The following GPHN variants were observed in gnomAD, a reference collection of about 807,000 sequenced individuals.
The protein encoded by GPHN is gephyrin.
In GPHN, 17 loss-of-function variants were observed where a neutral mutation model predicts 95.5. The ratio of observed to expected loss-of-function variants is 0.18; its 90% confidence interval spans 0.12 to 0.27. The LOEUF (loss-of-function observed/expected upper bound fraction) is 0.27, where lower values mean the gene tolerates loss of function less well. Ranked by LOEUF, GPHN falls within the 10% of genes least tolerant of loss-of-function variation. The pLI, the probability that GPHN is intolerant of heterozygous loss-of-function variation, is 1.00. For missense variants in GPHN, 660 were observed against 978.1 expected (o/e 0.67, Z 4.34); for synonymous variants, 320 against 322.5 (o/e 0.99, Z 0.08).
intron 10 of GPHN, among the ~76,000 whole-genome samples, chr14:67,056,818 G>C (rs913070623): frequency 6.6e-6 from 1 of 152,098 alleles, no homozygotes; most frequent in Admixed American, 6.5e-5. Flanking sequence ...GGGTGGGGGG[G>C]GGTCACTCAG....
At chr14:67,635,960 CCT>C in the GPHN span, among the ~76,000 whole-genome samples, 1 of 152,064 alleles carries the variant, frequency 6.6e-6, no homozygotes, top group Non-Finnish European at 1.5e-5. Context: ...CCATTAGTAC[CCT>C]CTCAGCACCA....
chr14:66,742,566 C>CATTTTTA (rs2072882125), intron 2 of GPHN, among the ~76,000 whole-genome samples: 1 of 152,046 alleles, frequency 6.6e-6, no homozygotes, highest in African/African-American at 2.4e-5. Flanking sequence ...TTAGAAGAAA[C>CATTTTTA]GGTGACAGTT....
intron 19 of GPHN, among the ~76,000 whole-genome samples, chr14:67,164,034 C>T (rs1182823173): frequency 4.0e-5 from 6 of 151,430 alleles, no homozygotes; most frequent in African/African-American, 7.3e-5. Context: ...TTTGGGAGGC[C>T]GAGGCAGGCG....
At chr14:66,601,939 T>C (rs2062265599) in intron 1 of GPHN, among the ~76,000 whole-genome samples, 1 of 151,990 alleles carries the variant, frequency 6.6e-6, no homozygotes. Flanking sequence ...TATTCTAACT[T>C]CAATAGGCAT....
chr14:66,965,928 G>C (rs1394391470), intron 9 of GPHN, among the ~76,000 whole-genome samples: 1 of 152,034 alleles, frequency 6.6e-6, no homozygotes, highest in Admixed American at 6.6e-5. Context: ...AGGAAAGGAT[G>C]AGACACTTAT....
chr14:66,745,665 T>C (rs917780585), intron 2 of GPHN, among the ~76,000 whole-genome samples: 3 of 152,050 alleles, frequency 2.0e-5, no homozygotes, highest in African/African-American at 7.2e-5. Flanking sequence ...TAAATTTAGA[T>C]AATTTAGAAA....
chr14:66,882,935 C>A (rs2063997833), intron 5 of GPHN, among the ~76,000 whole-genome samples: 1 of 150,704 alleles, frequency 6.6e-6, no homozygotes, highest in Non-Finnish European at 1.5e-5. Context: ...GCAATCAATT[C>A]AAATTGCTGT....
the GPHN span, chr14:67,647,974 TAAG>T: frequency 7.0e-7 from 1 of 1,422,064 alleles, no homozygotes; most frequent in Non-Finnish European, 9.6e-7. Context: ...GTTGCAACCA[TAAG>T]AAGGATGAGT....
chr14:67,645,593 G>C, the GPHN span: 1 of 1,581,978 alleles, frequency 6.3e-7, no homozygotes, highest in Non-Finnish European at 8.6e-7. Flanking sequence ...TTTGTTATCG[G>C]TCATGTTTGC....
At chr14:67,670,386 T>C in the GPHN span, among the ~76,000 whole-genome samples, 1 of 152,236 alleles carries the variant, frequency 6.6e-6, no homozygotes, top group South Asian at 2.1e-4. Context: ...GTATTCCATG[T>C]TTTACTCCTG....
intron 1 of GPHN, among the ~76,000 whole-genome samples, chr14:66,553,189 C>T (rs530803816): frequency 6.6e-6 from 1 of 151,970 alleles, no homozygotes; most frequent in East Asian, 1.9e-4. Flanking sequence ...AGGGGTTTTA[C>T]CACATTGGCC....
the GPHN span, among the ~76,000 whole-genome samples, chr14:67,437,399 G>A: frequency 4.6e-5 from 7 of 152,258 alleles, no homozygotes; most frequent in East Asian, 1.3e-3. Flanking sequence ...GGAAGGCTGA[G>A]CTGAGCCTGG....
At chr14:67,208,496 T>C in the GPHN span, 7 of 1,577,388 alleles carry the variant, frequency 4.4e-6, no homozygotes, top group Non-Finnish European at 6.0e-6. Flanking sequence ...ACATGAAATA[T>C]TAATAAAGAA....
the GPHN span, among the ~76,000 whole-genome samples, chr14:67,193,148 A>G: frequency 0.019 from 2,667 of 141,950 alleles, 22 homozygotes; most frequent in Middle Eastern, 0.056. Flanking sequence ...ACATCTATCT[A>G]TATATCTCTA....
At chr14:67,415,762 T>C in the GPHN span, among the ~76,000 whole-genome samples, 1 of 152,094 alleles carries the variant, frequency 6.6e-6, no homozygotes, top group African/African-American at 2.4e-5. Context: ...ATAAAGAAAA[T>C]GTGGTACGTA....
chr14:66,974,423 C>G (rs578215544), intron 9 of GPHN, among the ~76,000 whole-genome samples: 1 of 152,046 alleles, frequency 6.6e-6, no homozygotes, highest in South Asian at 2.1e-4. Context: ...ACTTCCCCAT[C>G]TATTTCTAAT....
chr14:67,388,742 C>T, the GPHN span, among the ~76,000 whole-genome samples: 76 of 152,232 alleles, frequency 5.0e-4, 1 homozygote, highest in African/African-American at 4.8e-5. Context: ...TGCAGAGGCA[C>T]GATCTCGGCT....
chr14:67,422,377 T>G, the GPHN span, among the ~76,000 whole-genome samples: 2 of 152,222 alleles, frequency 1.3e-5, no homozygotes, highest in Non-Finnish European at 2.9e-5. Context: ...CCGTGTGGTA[T>G]GCCATGTCTT....
the GPHN span, among the ~76,000 whole-genome samples, chr14:67,268,498 T>C: frequency 6.6e-6 from 1 of 152,184 alleles, no homozygotes; most frequent in Non-Finnish European, 1.5e-5. Flanking sequence ...TACTTCTTGA[T>C]TATATTCTAA....
Sources: gnomAD v4.1 joint callset for allele counts (sites outside exome capture counted in the v4.1 genomes callset) on GRCh38, gnomAD v4.1.1 for gene constraint, MANE v1.5 for transcripts, NCBI Gene and HGNC (gene_info 2026-07-23, HGNC 2026-07-21) for gene names.